The following HSF4 variants were observed in gnomAD, a reference collection of about 807,000 sequenced individuals.
HSF4 encodes heat shock transcription factor 4, also known as heat shock factor protein 4.
A neutral mutation model predicts 52.0 loss-of-function variants in HSF4; 41 were observed. That is an observed-to-expected ratio of 0.79 (90% CI 0.61 to 1.02). The LOEUF (loss-of-function observed/expected upper bound fraction) is 1.02, where lower values mean the gene tolerates loss of function less well. HSF4 is among the 50% of genes least tolerant of loss of function. HSF4 has a pLI of 0.00. For missense variants in HSF4, 610 were observed against 651.1 expected, an observed-to-expected ratio of 0.94 and a Z score of 0.69; for synonymous variants, 285 against 273.0, an observed-to-expected ratio of 1.04 and a Z score of -0.43.
In HSF4 at chr16:67,169,216, TCCCAG is replaced by T. The variant is rs2031556074; in HGVS notation, c.1255-61_1255-57del. On this transcript the variant is annotated intron_variant, in intron 11 of 12. Transcript: ENST00000521374. The surrounding 1 kb of genome is among the most constrained non-coding windows in gnomAD (Gnocchi z 4.3). ...CTCTAGAAGAATTGTCACAGTGATTTCCCAGCTGTCCCCCTCAGCTGCTAGGTCCC... is the reference window on the plus strand; with the variant it reads ...CTCTAGAAGAATTGTCACAGTGATTTCTGTCCCCCTCAGCTGCTAGGTCCC... The T allele has an allele frequency of 6.2e-6, 10 of 1,608,754 alleles. No homozygotes were observed. Among genetic ancestry groups the T allele is most frequent in the Non-Finnish European group, 8.5e-6 (10 of 1,177,910 alleles).
Position 67,165,746 on chromosome 16 carries a change from A to G in HSF4, c.260A>G (p.Glu87Gly). The G allele has an allele frequency of 6.2e-7, 1 of 1,611,676 alleles. No homozygotes were observed. Among genetic ancestry groups the G allele is most frequent in the Non-Finnish European group, 8.5e-7 (1 of 1,179,778 alleles). The change falls in exon 3 of 13, where the codon GAG (glutamate) becomes GGG (glycine). Residue 87 changes from glutamate (E) to glycine (G), a missense_variant. Coordinates refer to ENST00000521374, the MANE Select transcript of HSF4 (RefSeq NM_001374675.1). The surrounding 1 kb of genome is among the most constrained non-coding windows in gnomAD (Gnocchi z 6.9). ...MYGFRKVVSI[E>G]QGGLLRPERD... Reference sequence around the variant, plus strand: ...GGTTTTCGGAAGGTGGTGAGCATCGAGCAGGGCGGCCTGCTTAGGCCGGAG... The same window carrying G: ...GGTTTTCGGAAGGTGGTGAGCATCGGGCAGGGCGGCCTGCTTAGGCCGGAG...
Position 67,165,103 on chromosome 16 carries a change from G to A in HSF4, c.123+169G>A. On this transcript the variant is annotated intron_variant, in intron 1 of 12. Transcript: ENST00000521374. This position sits in a 1 kb window ranked among gnomAD's most constrained non-coding sequence, Gnocchi z 6.9. Reference sequence around the variant, plus strand: ...TGTGCGAGAGGGGGGTTTCCTCTGCGGCCGAAGAAGGGTTAGGAGCCTGCC... The same window carrying A: ...TGTGCGAGAGGGGGGTTTCCTCTGCAGCCGAAGAAGGGTTAGGAGCCTGCC... 1 of 739,544 alleles carries A rather than the reference G, an allele frequency of 1.4e-6. No individual in the cohort carries two copies. The highest frequency in any genetic ancestry group is 2.1e-6 in the Non-Finnish European group (1 of 465,210). 45.8% of individuals were successfully genotyped at this position (739,544 alleles called of 1,614,324 possible). A position where few individuals can be genotyped will look rare whatever the true frequency, so the allele number is the denominator to read the frequency against.
upstream of HSF4, chr16:67,164,678 T>A: frequency 3.6e-6 from 4 of 1,101,210 alleles, no homozygotes; most frequent in Non-Finnish European, 4.9e-6. Context: ...CCCGCGGGCT[T>A]GCACGTGGCC....
At position 67,167,761 on chromosome 16, in the gene HSF4, C is replaced by T; in HGVS notation, c.896C>T (p.Pro299Leu). ...LALLKEEPAS[P>L]GGDGEAGLAL... ...CTGCTCAAAGAAGAGCCGGCCAGTC[C>T]AGGGGGGGATGGCGAGGCCGGGCTG... is the stretch of plus-strand genomic sequence containing the variant. The change falls in exon 9 of 13, where the codon CCA (proline) becomes CTA (leucine). Residue 299 changes from proline to leucine, a missense_variant. Transcript: ENST00000521374. 1.9e-6 allele frequency: 3 copies of T among 1,606,050 alleles called. No homozygotes were observed. The highest frequency in any genetic ancestry group is 2.5e-6 in the Non-Finnish European group (3 of 1,176,726).
In HSF4 at chr16:67,165,909, C is replaced by T. The variant is rs1175507941; in HGVS notation, c.361-37C>T. 3 of 1,591,258 alleles carry T rather than the reference C, an allele frequency of 1.9e-6. No homozygotes were observed. Among genetic ancestry groups the T allele is most frequent in the South Asian group, 2.2e-5 (2 of 90,344 alleles). On this transcript the variant is annotated intron_variant, in intron 3 of 12. Transcript: ENST00000521374. This position sits in a 1 kb window ranked among gnomAD's most constrained non-coding sequence, Gnocchi z 6.9. Reference sequence around the variant, plus strand: ...GGGTGCTGGGACTGCCTGCCTTGCTCCTGCGACCCAGTCCCGACGGTGCCT... The same window carrying T: ...GGGTGCTGGGACTGCCTGCCTTGCTTCTGCGACCCAGTCCCGACGGTGCCT...
Position 67,165,019 on chromosome 16 carries a change from T to A in HSF4, c.123+85T>A. 1.5e-6 allele frequency: 2 copies of A among 1,374,870 alleles called. No individual in the cohort carries two copies. Among genetic ancestry groups the A allele is most frequent in the Non-Finnish European group, 2.0e-6 (2 of 1,024,586 alleles). 85.2% of individuals were successfully genotyped at this position (1,374,870 alleles called of 1,614,324 possible). A position where few individuals can be genotyped will look rare whatever the true frequency, so the allele number is the denominator to read the frequency against. ...CACCCATGCCCGCCCAACCCCCTCC[T>A]GAGACTGGGCCGTGGATCCCCGGAT... On this transcript the variant is annotated intron_variant, in intron 1 of 12. Coordinates refer to ENST00000521374, the MANE Select transcript of HSF4 (RefSeq NM_001374675.1). This position sits in a 1 kb window ranked among gnomAD's most constrained non-coding sequence, Gnocchi z 6.9.
At position 67,167,851 on chromosome 16, in the gene HSF4, T is replaced by C. The variant is rs754409469; in HGVS notation, c.986T>C (p.Val329Ala). The C allele has an allele frequency of 6.9e-6, 11 of 1,604,852 alleles. No individual in the cohort carries two copies. The highest frequency in any genetic ancestry group is 9.3e-6 in the Non-Finnish European group (11 of 1,176,596). ...TAPPPLPVAVVQAILEGKGSF... is the reference protein window; with the variant it reads ...TAPPPLPVAVAQAILEGKGSF... ...CCCCCGCCACTGCCTGTGGCTGTGG[T>C]GCAGGCCATCCTGGAAGGGAAAGGG... Residue 329 changes from valine to alanine, a missense_variant, in exon 9 of 13, where the codon GTG becomes GCG. By Grantham distance (64) the Val-to-Ala change is moderately conservative (BLOSUM62 0). Coordinates refer to ENST00000521374, the MANE Select transcript of HSF4 (RefSeq NM_001374675.1).
Position 67,164,940 on chromosome 16 carries a change from G to T in HSF4, c.123+6G>T, listed in dbSNP as rs767623317. On this transcript the variant is annotated splice_donor_region_variant and intron_variant, in intron 1 of 12. Transcript: ENST00000521374. ...ACCTGATCCGCTGGAGCCCGGTGAG[G>T]GCCGGGGCCCCTCGATTCCCCCTGT... is the stretch of plus-strand genomic sequence containing the variant. The T allele has an allele frequency of 8.1e-6, 13 of 1,600,918 alleles. No individual in the cohort carries two copies. The highest frequency in any genetic ancestry group is 1.3e-5 in the African/African-American group (1 of 74,820).
chr16:67,164,207 T>C, upstream of HSF4: 1 of 482,028 alleles, frequency 2.1e-6, no homozygotes, highest in South Asian at 1.6e-5. Flanking sequence ...GGGTCGGATC[T>C]GAAAGGGAAG....
chr16:67,167,521 G>T lies in HSF4; in HGVS notation c.776G>T (p.Gly259Val), dbSNP rs2031394111. 2 of 1,613,674 alleles carry T rather than the reference G, an allele frequency of 1.2e-6. No homozygotes were observed. The highest frequency in any genetic ancestry group is 1.7e-6 in the Non-Finnish European group (2 of 1,180,022). ...NLGLSPHRAR[G>V]PIISDIPEDS... Reference sequence around the variant, plus strand: ...GGCCTTAGCCCTCACAGGGCCAGGGGCCCCATCATCTCTGACATCCCAGAA... The same window carrying T: ...GGCCTTAGCCCTCACAGGGCCAGGGTCCCCATCATCTCTGACATCCCAGAA... The change falls in exon 8 of 13, where the codon GGC (glycine) becomes GTC (valine). Residue 259 changes from glycine to valine, a missense_variant. Physicochemically the swap from Gly to Val is moderately radical, Grantham distance 109. Transcript: ENST00000521374.
rs371064086 is a variant in HSF4 at position 67,167,932 on chromosome 16, G to A, written c.1067G>A (p.Arg356Lys). 5.6e-6 allele frequency: 9 copies of A among 1,595,418 alleles called. No individual in the cohort carries two copies. Among genetic ancestry groups the A allele is most frequent in the Non-Finnish European group, 7.7e-6 (9 of 1,176,142 alleles). ...NAQQPEPGDP[R>K]EIPDRGPLGL... ...CAACAGCCTGAACCAGGGGATCCCA[G>A]GGAGATACCTGACAGGTGAGCAGAG... Residue 356 changes from arginine to lysine, a missense_variant, in exon 9 of 13, where the codon AGG becomes AAG. Arg to Lys is a conservative substitution (Grantham distance 26). Coordinates refer to ENST00000521374, the MANE Select transcript of HSF4 (RefSeq NM_001374675.1).
intron 4 of HSF4, 103 bp downstream of exon 4, chr16:67,166,173 C>T: frequency 7.1e-7 from 1 of 1,401,236 alleles, no homozygotes; most frequent in South Asian, 1.2e-5. Context: ...TCTCTCCTGC[C>T]TTGGCGCCTC....
rs541220470 is a variant in HSF4 at position 67,165,125 on chromosome 16, T to A, written c.123+191T>A. ...TGCGGCCGAAGAAGGGTTAGGAGCC[T>A]GCCTTCTGAAGACCTAGAGTCCGAG... On this transcript the variant is annotated intron_variant, in intron 1 of 12. Transcript: ENST00000521374. The surrounding 1 kb of genome is among the most constrained non-coding windows in gnomAD (Gnocchi z 6.9). The A allele has an allele frequency of 1.7e-5, 11 of 657,562 alleles. No individual in the cohort carries two copies. Among genetic ancestry groups the A allele is most frequent in the Middle Eastern group, 4.3e-4 (1 of 2,350 alleles). The allele number at this position is 657,562 out of a possible 1,614,324, so 40.7% of individuals were successfully genotyped here.
In HSF4 at chr16:67,166,367, A is replaced by T. The variant is rs2031293266; in HGVS notation, c.533A>T (p.His178Leu). The T allele has an allele frequency of 2.5e-6, 4 of 1,609,332 alleles. No individual in the cohort carries two copies. The highest frequency in any genetic ancestry group is 3.4e-6 in the Non-Finnish European group (4 of 1,178,056). Residue 178 changes from histidine (H) to leucine (L), a missense_variant, in exon 5 of 13, where the codon CAC becomes CTC. His to Leu is a moderately conservative substitution (Grantham distance 99). Transcript: ENST00000521374. Reference protein sequence around the residue: ...WREVVTLRQSHGQQHRVIGKL... With the variant: ...WREVVTLRQSLGQQHRVIGKL... ...GAGGTGGTGACACTTCGGCAGAGCC[A>T]CGGTCAGCAGCACCGGGTCATTGGC...
intron 9 of HSF4, 62 bp from the exon 10 acceptor site, chr16:67,168,769 G>A: frequency 8.0e-7 from 1 of 1,246,770 alleles, no homozygotes; most frequent in Non-Finnish European, 1.2e-6. Flanking sequence ...GATGCATCTG[G>A]GTTCCTTGGG....
chr16:67,169,885 T>G lies in HSF4; in HGVS notation c.*100T>G. 7.9e-7 allele frequency: 1 copy of G among 1,262,810 alleles called. No individual in the cohort carries two copies. Among genetic ancestry groups the G allele is most frequent in the South Asian group, 1.2e-5 (1 of 83,930 alleles). The allele number at this position is 1,262,810 out of a possible 1,614,324, so 78.2% of individuals were successfully genotyped here. On this transcript the variant is annotated 3_prime_UTR_variant, in exon 13 of 13. Coordinates refer to ENST00000521374, the MANE Select transcript of HSF4 (RefSeq NM_001374675.1). This position sits in a 1 kb window ranked among gnomAD's most constrained non-coding sequence, Gnocchi z 4.3. ...CGGGGGTGAGCGAAGCCCCCACTAC[T>G]AAATGGCCTCTCTCCACTACCCCGA...
Position 67,167,773 on chromosome 16 carries a change from G to A in HSF4, c.908G>A (p.Gly303Asp), listed in dbSNP as rs2031415467. 1 of 1,602,108 alleles carries A rather than the reference G, an allele frequency of 6.2e-7. No individual in the cohort carries two copies. Among genetic ancestry groups the A allele is most frequent in the Non-Finnish European group, 8.5e-7 (1 of 1,174,912 alleles). ...GAGCCGGCCAGTCCAGGGGGGGATGGCGAGGCCGGGCTGGCCCTGGCCCCA... is the reference window on the plus strand; with the variant it reads ...GAGCCGGCCAGTCCAGGGGGGGATGACGAGGCCGGGCTGGCCCTGGCCCCA... ...KEEPASPGGD[G>D]EAGLALAPNE... The change falls in exon 9 of 13, where the codon GGC becomes GAC. Residue 303 changes from glycine to aspartate, a missense_variant. Physicochemically the swap from Gly to Asp is moderately conservative, Grantham distance 94 (BLOSUM62 -1). Transcript: ENST00000521374.
Position 67,166,023 on chromosome 16 carries a change from G to C in HSF4, c.438G>C (p.Leu146Phe), listed in dbSNP as rs1567668759. The C allele has an allele frequency of 1.3e-6, 2 of 1,535,848 alleles. No individual in the cohort carries two copies. Among genetic ancestry groups the C allele is most frequent in the Non-Finnish European group, 1.7e-6 (2 of 1,147,988 alleles). The change falls in exon 4 of 13, where the codon TTG becomes TTC. Residue 146 changes from leucine to phenylalanine, a missense_variant. Transcript: ENST00000521374. ...LGRLLGEVQA[L>F]RGVQESTEAR... ...GACTACTGGGCGAGGTGCAGGCTTT[G>C]CGGGGAGTGCAGGAGAGCACCGAGG...
At chr16:67,164,651 C>A (rs1284258436), upstream of HSF4, 2 of 784,938 alleles carry the variant, frequency 2.5e-6, no homozygotes, top group Middle Eastern at 3.8e-4. Flanking sequence ...GTGCCTCGGC[C>A]GCTGTCCGAG....
Sources: gnomAD v4.1 joint callset for allele counts on GRCh38, gnomAD v4.1.1 for gene constraint, Gnocchi (gnomAD v3.1) non-coding constraint, MANE v1.5 for transcripts, NCBI Gene and HGNC (gene_info 2026-07-23, HGNC 2026-07-21) for gene names.